Variants in PDE3B observed in about 807,000 individuals in gnomAD.
PDE3B encodes the protein cGMP-inhibited 3',5'-cyclic phosphodiesterase 3B.
Under a neutral mutation model 116.8 loss-of-function variants are expected in PDE3B, and 66 were observed. The ratio of observed to expected loss-of-function variants is 0.56; its 90% CI spans 0.46 to 0.69. The LOEUF (loss-of-function observed/expected upper bound fraction) is 0.69, where lower values mean the gene tolerates loss of function less well. Among genes scored for constraint, PDE3B ranks in the 30% least tolerant of loss-of-function variants. PDE3B has a pLI of 0.00. For missense variants in PDE3B, 1,384 were observed against 1,368.1 expected, an observed-to-expected ratio of 1.01 and a Z score of -0.18; for synonymous variants, 595 against 533.6, an observed-to-expected ratio of 1.12 and a Z score of -1.59.
At chr11:14,824,759 A>T (rs904764453) in intron 7 of PDE3B, among the ~76,000 whole-genome samples, 1 of 152,156 alleles carries the variant, frequency 6.6e-6, no homozygotes, top group East Asian at 1.9e-4. Flanking sequence ...AGAGGCCAAC[A>T]CCCAAACTCA....
intron 11 of PDE3B, among the ~76,000 whole-genome samples, chr11:14,839,984 C>G (rs1165296092): frequency 6.6e-6 from 1 of 152,160 alleles, no homozygotes; most frequent in Non-Finnish European, 1.5e-5. Context: ...ATTTGAAATT[C>G]TCTACATAAA....
chr11:14,784,548 ACT>A (rs1417735937), intron 2 of PDE3B, among the ~76,000 whole-genome samples: 1 of 152,070 alleles, frequency 6.6e-6, no homozygotes, highest in African/African-American at 2.4e-5. Context: ...ACACTCAGAA[ACT>A]CTATAAATTA....
chr11:14,652,677 T>TA (rs1853602665), intron 1 of PDE3B, among the ~76,000 whole-genome samples: 1 of 152,182 alleles, frequency 6.6e-6, no homozygotes, highest in Non-Finnish European at 1.5e-5. Flanking sequence ...CTATACTCAT[T>TA]AAATAACAAC....
At chr11:14,810,868 T>C (rs1222032382) in intron 5 of PDE3B, among the ~76,000 whole-genome samples, 3 of 147,918 alleles carry the variant, frequency 2.0e-5, no homozygotes, top group South Asian at 2.3e-4. Context: ...TTCTAACTGG[T>C]GTGAGATGGT....
At chr11:14,764,637 T>A (rs1183642027) in intron 1 of PDE3B, among the ~76,000 whole-genome samples, 3 of 152,062 alleles carry the variant, frequency 2.0e-5, no homozygotes, top group Non-Finnish European at 4.4e-5. Context: ...CACTTACTAA[T>A]CATGAGATTT....
intron 1 of PDE3B, among the ~76,000 whole-genome samples, chr11:14,764,753 T>A (rs757105133): frequency 9.2e-5 from 14 of 151,974 alleles, no homozygotes; most frequent in Non-Finnish European, 1.9e-4. Flanking sequence ...CCTAATATAG[T>A]GCTGGTACAC....
rs1590050699 is a variant in PDE3B, at chr11:14,672,247, T to G, written c.978+27194T>G. Among the ~76,000 whole-genome samples the G allele has an allele frequency of 3.3e-5, 5 of 152,000 alleles. No individual in the cohort carries two copies. The East Asian group carries it at 9.7e-4, about 29-fold the overall frequency. On this transcript the variant is annotated intron_variant, in intron 1 of 15. Transcript: ENST00000282096. ...GTTATTAATTTTGCACTTAATGCAT[T>G]GCTATTAAGTGAATTCATGAAACTT...
intron 4 of PDE3B, among the ~76,000 whole-genome samples, chr11:14,794,318 TC>T (rs1858482307): frequency 9.4e-6 from 1 of 105,882 alleles, no homozygotes; most frequent in African/African-American, 4.2e-5. Context: ...CTTTTTCTTT[TC>T]TTTTTTTTTT....
At chr11:14,879,492 C>T in the PDE3B span, 5 of 1,412,176 alleles carry the variant, frequency 3.5e-6, no homozygotes, top group South Asian at 2.4e-5. Flanking sequence ...TAGAATTATA[C>T]CTAAAGTTAT....
intron 15 of PDE3B, among the ~76,000 whole-genome samples, chr11:14,869,251 C>A (rs1415334563): frequency 2.6e-5 from 4 of 151,918 alleles, no homozygotes; most frequent in African/African-American, 9.7e-5. Flanking sequence ...TTCTGTTTTC[C>A]TAGCTCTTTC....
At chr11:14,827,865 C>G (rs1370392863) in intron 7 of PDE3B, among the ~76,000 whole-genome samples, 1 of 152,106 alleles carries the variant, frequency 6.6e-6, no homozygotes, top group African/African-American at 2.4e-5. Context: ...CAAGGCAATC[C>G]TAAGCAAAAA....
chr11:14,694,494 CA>C (rs1034858651), intron 1 of PDE3B, among the ~76,000 whole-genome samples: 1 of 152,174 alleles, frequency 6.6e-6, no homozygotes, highest in Non-Finnish European at 1.5e-5. Context: ...CTCCCACCAG[CA>C]AAAGAACTAC....
At chr11:14,716,315 A>C (rs1488688660) in intron 1 of PDE3B, among the ~76,000 whole-genome samples, 2 of 152,168 alleles carry the variant, frequency 1.3e-5, no homozygotes, top group Non-Finnish European at 2.9e-5. Context: ...TCTGAGATCA[A>C]ACTGCAAGGC....
chr11:14,811,910 A>G (rs1486300475), intron 5 of PDE3B, among the ~76,000 whole-genome samples: 1 of 152,114 alleles, frequency 6.6e-6, no homozygotes, highest in Non-Finnish European at 1.5e-5. Context: ...GCAATTGTGA[A>G]TGGGAGTTCA....
In PDE3B at chr11:14,771,942, T is replaced by A; in HGVS notation, c.984T>A (p.Ile328=). ...SLPCISREQM[I]LWDWDLKQWY... is the part of the protein sequence containing the mutation. ...AAGTGAATTTTTTTTTCTAGATGATTCTTTGGGATTGGGACTTAAAACAAT... is the reference window on the plus strand; with the variant it reads ...AAGTGAATTTTTTTTTCTAGATGATACTTTGGGATTGGGACTTAAAACAAT... Residue 328 remains isoleucine, a synonymous_variant, in exon 2 of 16, where the codon ATT becomes ATA. Transcript: ENST00000282096. 7.5e-7 allele frequency: 1 copy of A among 1,335,832 alleles called. No individual in the cohort carries two copies. Among genetic ancestry groups the A allele is most frequent in the Non-Finnish European group, 1.0e-6 (1 of 996,990 alleles). The allele number at this position is 1,335,832 out of a possible 1,614,324, so 82.7% of individuals were successfully genotyped here.
chr11:14,872,402 G>A (rs572370409), downstream of PDE3B, among the ~76,000 whole-genome samples: 1 of 152,280 alleles, frequency 6.6e-6, no homozygotes, highest in East Asian at 1.9e-4. Context: ...TGTAGAGAGA[G>A]AATAACAGCA....
At chr11:14,893,763 C>T in the PDE3B span, among the ~76,000 whole-genome samples, 5 of 152,038 alleles carry the variant, frequency 3.3e-5, no homozygotes, top group African/African-American at 1.2e-4. Context: ...TGGATAATCC[C>T]AACTCAAAGA....
chr11:14,816,325 G>A (rs987856776), intron 5 of PDE3B, among the ~76,000 whole-genome samples: 7 of 152,110 alleles, frequency 4.6e-5, no homozygotes, highest in African/African-American at 7.2e-5. Flanking sequence ...TGACACCATC[G>A]CACACATCTG....
chr11:14,669,695 A>G (rs1429682183), intron 1 of PDE3B, among the ~76,000 whole-genome samples: 1 of 146,674 alleles, frequency 6.8e-6, no homozygotes, highest in East Asian at 2.1e-4. Flanking sequence ...CCCACCTATG[A>G]GTGAGAATAT....
Sources: gnomAD v4.1 joint callset for allele counts (sites outside exome capture counted in the v4.1 genomes callset) on GRCh38, gnomAD v4.1.1 for gene constraint, MANE v1.5 for transcripts, NCBI Gene and HGNC (gene_info 2026-07-23, HGNC 2026-07-21) for gene names.